The following HCN1 variants were observed in gnomAD, a reference collection of about 807,000 sequenced individuals.
HCN1 encodes the protein hyperpolarization activated cyclic nucleotide gated potassium channel 1, also known as potassium/sodium hyperpolarization-activated cyclic nucleotide-gated channel 1.
HCN1 carries 13 observed loss-of-function variants against 78.9 expected under a neutral mutation model. That is an observed-to-expected ratio of 0.16 (90% CI 0.11 to 0.26). HCN1 has a LOEUF of 0.26. Ranked by LOEUF, HCN1 falls within the 10% of genes least tolerant of loss-of-function variation. The pLI is 1.00. For missense variants in HCN1, 810 were observed against 1,154.3 expected (o/e 0.70, Z 4.32); for synonymous variants, 552 against 455.5 (o/e 1.21, Z -2.70).
chr5:45,602,931 A>G (rs989135244), intron 2 of HCN1, among the ~76,000 whole-genome samples: 3 of 152,154 alleles, frequency 2.0e-5, no homozygotes, highest in African/African-American at 7.2e-5. Flanking sequence ...AACCCACATA[A>G]TATCAACAAA....
At chr5:45,347,256 AG>A (rs1313152254) in intron 5 of HCN1, among the ~76,000 whole-genome samples, 1 of 152,198 alleles carries the variant, frequency 6.6e-6, no homozygotes, top group African/African-American at 2.4e-5. Flanking sequence ...CAGGCAAACA[AG>A]GTCTGGAATG....
At chr5:45,375,897 G>GATATAATATTTTATCTTATATATTAT (rs1747634738) in intron 4 of HCN1, among the ~76,000 whole-genome samples, 1 of 116,232 alleles carries the variant, frequency 8.6e-6, no homozygotes, top group Non-Finnish European at 1.6e-5. Flanking sequence ...TATTATATAT[G>GATATAATATTTTATCTTATATATTAT]ATATAATATT....
Position 45,497,590 on chromosome 5 carries a change from G to T in HCN1, c.850-35583C>A, listed in dbSNP as rs781128446. Among the ~76,000 whole-genome samples the T allele has an allele frequency of 4.6e-5, 7 of 152,174 alleles. No homozygotes were observed. In the South Asian group the frequency reaches 6.2e-4, roughly 14 times the overall value. On this transcript the variant is annotated intron_variant, in intron 2 of 7. Coordinates refer to ENST00000303230, the MANE Select transcript of HCN1 (RefSeq NM_021072.4). ...CTCCATCCTTTTATTTTGAGCCTAT[G>T]TGTGTCTCTGCACGTGAGATGGGTT...
At position 45,588,597 on chromosome 5, in the gene HCN1, A is replaced by G. The variant is rs554648304; in HGVS notation, c.849+56588T>C. On this transcript the variant is annotated intron_variant, in intron 2 of 7. Transcript: ENST00000303230. ...TCCTGCCCCACCAGGCATTATGATA[A>G]TTTTAAAAGACCCAGAAATCCCTTT... Among the ~76,000 whole-genome samples, 19 of 152,204 alleles carry G rather than the reference A, an allele frequency of 1.2e-4. No individual in the cohort carries two copies. In the South Asian group the frequency reaches 3.9e-3, roughly 32 times the overall value.
chr5:45,384,014 A>G (rs1216034743), intron 4 of HCN1, among the ~76,000 whole-genome samples: 1 of 152,124 alleles, frequency 6.6e-6, no homozygotes, highest in African/African-American at 2.4e-5. Context: ...TTATATTCTA[A>G]AACAGTAAAA....
intron 2 of HCN1, among the ~76,000 whole-genome samples, chr5:45,611,236 G>A (rs1744828727): frequency 6.9e-6 from 1 of 143,926 alleles, no homozygotes; most frequent in African/African-American, 2.5e-5. Flanking sequence ...ATTTTTTGTA[G>A]AGATGAGATT....
chr5:45,303,720 T>C lies in HCN1; in HGVS notation c.1497A>G (p.Gly499=), dbSNP rs142913986. Residue 499 remains glycine, a synonymous_variant, in exon 6 of 8, where the codon GGA becomes GGG. Transcript: ENST00000303230. The stretch of plus-strand genomic sequence containing the variant: ...CGGCTCCTTCTCGTATGATATAATC[T>C]CCAGGTTGAAACACCTCAAATCTCA... ...SKLRFEVFQP[G]DYIIREGAVG... 7 of 1,613,612 alleles carry C rather than the reference T, an allele frequency of 4.3e-6. No individual in the cohort carries two copies. Among genetic ancestry groups the C allele is most frequent in the Non-Finnish European group, 5.9e-6 (7 of 1,179,810 alleles).
At chr5:45,683,487 A>G (rs1035641495) in intron 1 of HCN1, among the ~76,000 whole-genome samples, 14 of 152,276 alleles carry the variant, frequency 9.2e-5, no homozygotes, top group Middle Eastern at 6.8e-3. Context: ...ATTTCTAGTT[A>G]GAATTGTGTG....
intron 2 of HCN1, among the ~76,000 whole-genome samples, chr5:45,542,041 TTAATA>T (rs1471426795): frequency 1.3e-5 from 2 of 152,092 alleles, no homozygotes; most frequent in Admixed American, 6.6e-5. Flanking sequence ...AATTAATTAA[TTAATA>T]TATTTTTCTA....
At chr5:45,367,622 T>G (rs2112000041) in intron 4 of HCN1, among the ~76,000 whole-genome samples, 1 of 152,038 alleles carries the variant, frequency 6.6e-6, no homozygotes, top group Non-Finnish European at 1.5e-5. Flanking sequence ...AGTATGAAAC[T>G]AATGGTCACT....
chr5:45,263,461 ATC>A (rs1175647861), intron 7 of HCN1, among the ~76,000 whole-genome samples: 1 of 152,174 alleles, frequency 6.6e-6, no homozygotes, highest in Non-Finnish European at 1.5e-5. Flanking sequence ...CCCCTGTCTC[ATC>A]TGTGTGCTTG....
At chr5:45,366,361 T>G (rs1347116735) in intron 4 of HCN1, among the ~76,000 whole-genome samples, 1 of 151,948 alleles carries the variant, frequency 6.6e-6, no homozygotes, top group East Asian at 1.9e-4. Flanking sequence ...ATGTCCTTTT[T>G]CCACAGCCCC....
intron 2 of HCN1, among the ~76,000 whole-genome samples, chr5:45,508,208 A>G (rs1280407252): frequency 6.6e-6 from 1 of 152,132 alleles, no homozygotes; most frequent in Non-Finnish European, 1.5e-5. Context: ...TGTATGTGAA[A>G]AGTTCATCAT....
At chr5:45,549,050 T>C (rs1476960603) in intron 2 of HCN1, among the ~76,000 whole-genome samples, 1 of 151,324 alleles carries the variant, frequency 6.6e-6, no homozygotes, top group African/African-American at 2.4e-5. Flanking sequence ...AGAATCAATA[T>C]CATGAAAATG....
intron 6 of HCN1, among the ~76,000 whole-genome samples, chr5:45,299,171 A>C (rs1368862452): frequency 6.6e-6 from 1 of 152,034 alleles, no homozygotes; most frequent in Non-Finnish European, 1.5e-5. Context: ...TCAGATTCTG[A>C]ACAGAAAAAG....
At chr5:45,673,173 AG>A (rs1319490110) in intron 1 of HCN1, among the ~76,000 whole-genome samples, 1 of 151,496 alleles carries the variant, frequency 6.6e-6, no homozygotes, top group Non-Finnish European at 1.5e-5. Flanking sequence ...CTTAAAAATT[AG>A]GATTTATCTG....
chr5:45,507,507 A>C (rs1020348759), intron 2 of HCN1, among the ~76,000 whole-genome samples: 1 of 152,146 alleles, frequency 6.6e-6, no homozygotes. Context: ...GAGATTTTGT[A>C]ATGGTTCCAA....
At chr5:45,314,233 C>G (rs969142631) in intron 5 of HCN1, among the ~76,000 whole-genome samples, 8 of 152,140 alleles carry the variant, frequency 5.3e-5, no homozygotes, top group Non-Finnish European at 1.2e-4. Context: ...AAAGAATTTT[C>G]AACCCAGAAT....
chr5:45,638,628 C>T (rs1003686477), intron 2 of HCN1, among the ~76,000 whole-genome samples: 1 of 152,130 alleles, frequency 6.6e-6, no homozygotes, highest in Non-Finnish European at 1.5e-5. Context: ...TGGGGCTGGG[C>T]GCAGAGGCTC....
Sources: gnomAD v4.1 joint callset for allele counts (sites outside exome capture counted in the v4.1 genomes callset) on GRCh38, gnomAD v4.1.1 for gene constraint, MANE v1.5 for transcripts, NCBI Gene and HGNC (gene_info 2026-07-23, HGNC 2026-07-21) for gene names.